Variants in RAP1A observed in about 807,000 individuals in gnomAD.
RAP1A encodes the protein RAP1A, member of RAS oncogene family.
A neutral mutation model predicts 26.4 loss-of-function variants in RAP1A; 6 were observed. The observed-to-expected ratio is 0.23, with a 90% CI of 0.12 to 0.45. RAP1A has a LOEUF of 0.45. RAP1A is among the 20% of genes least tolerant of loss of function. RAP1A has a pLI of 0.99. For missense variants in RAP1A, 121 were observed against 217.2 expected (o/e 0.56, Z 2.78); for synonymous variants, 73 against 79.4 (o/e 0.92, Z 0.43).
rs182581361 is a variant in RAP1A, at chr1:111,652,277, G to A, written c.-28+32343G>A. On this transcript the variant is annotated intron_variant, in intron 1 of 7. Coordinates refer to ENST00000369709, the MANE Select transcript of RAP1A (RefSeq NM_002884.4). ...GCCTGACCCAGTTCAAGTATTTTTA[G>A]AACCTCTGTTCTTGTATTCATAGAC... Among the ~76,000 whole-genome samples, 65 of 152,306 alleles carry A rather than the reference G, an allele frequency of 4.3e-4. 1 individual carries two copies. The highest frequency in any genetic ancestry group is 4.3e-3 in the Admixed American group (65 of 15,284).
intron 1 of RAP1A, among the ~76,000 whole-genome samples, chr1:111,656,050 C>G (rs1012654548): frequency 3.3e-5 from 5 of 151,976 alleles, no homozygotes; most frequent in Non-Finnish European, 5.9e-5. Context: ...AAAATGACAA[C>G]TGGATAAAAG....
At chr1:111,585,507 G>GT (rs1467643481) in intron 1 of RAP1A, among the ~76,000 whole-genome samples, 1 of 151,872 alleles carries the variant, frequency 6.6e-6, no homozygotes, top group African/African-American at 2.4e-5. Context: ...CAGTAATACG[G>GT]TTTTTTTGAT....
rs535248878 is a variant in RAP1A, at chr1:111,640,710, A to G, written c.-28+20776A>G. ...CATGGTGGCTCCCGCCTGTAATCCCAGCACTTTGGAAGGCCAAGGTAGGAG... is the reference window on the plus strand; with the variant it reads ...CATGGTGGCTCCCGCCTGTAATCCCGGCACTTTGGAAGGCCAAGGTAGGAG... On this transcript the variant is annotated intron_variant, in intron 1 of 7. Coordinates refer to ENST00000369709, the MANE Select transcript of RAP1A (RefSeq NM_002884.4). Among the ~76,000 whole-genome samples the G allele has an allele frequency of 3.6e-4, 55 of 152,346 alleles. 1 individual carries two copies. In the South Asian group the frequency reaches 9.1e-3, roughly 25 times the overall value.
At chr1:111,711,271 TTA>T (rs1461838798) in intron 7 of RAP1A, among the ~76,000 whole-genome samples, 15 of 152,252 alleles carry the variant, frequency 9.9e-5, no homozygotes, top group Non-Finnish European at 2.1e-4. Context: ...ACTATATTAT[TTA>T]ACTCTGTTAT....
chr1:111,669,534 A>G (rs945039513), intron 1 of RAP1A, among the ~76,000 whole-genome samples: 4 of 152,268 alleles, frequency 2.6e-5, no homozygotes, highest in Admixed American at 6.5e-5. Context: ...GCAATAAGAC[A>G]TAAGAGCTTG....
rs1419443567 is a variant in RAP1A, at chr1:111,606,386, GA to G, written c.-28+63879del. Among the ~76,000 whole-genome samples, 3 of 152,168 alleles carry G rather than the reference GA, an allele frequency of 2.0e-5. No homozygotes were observed. In the East Asian group the frequency reaches 5.8e-4, roughly 29 times the overall value. ...TCAGAGCACGAAGAACCTTTTATAAGAAGAAGGTAGCTGGAGAATGCTTATT... is the reference window on the plus strand; with the variant it reads ...TCAGAGCACGAAGAACCTTTTATAAGAGAAGGTAGCTGGAGAATGCTTATT... On this transcript the variant is annotated intron_variant, in intron 1 of 7. Transcript: ENST00000356415.
At position 111,607,003 on chromosome 1, in the gene RAP1A, T is replaced by TTTTATTTATTTA. The variant is rs370268151; in HGVS notation, c.-28+64518_-28+64529dup. ...CAAGAGTTCATTTGAATTCATTTTC[T>TTTTATTTATTTA]TTTATTTATTTATTTATTTATTTAT... On this transcript the variant is annotated intron_variant, in intron 1 of 7. Transcript: ENST00000356415. 6.5e-3 allele frequency among the ~76,000 whole-genome samples: 944 copies of TTTTATTTATTTA among 145,772 alleles called. 6 individuals carry two copies. Among genetic ancestry groups the TTTTATTTATTTA allele is most frequent in the African/African-American group, 0.013 (500 of 37,866 alleles).
intron 1 of RAP1A, among the ~76,000 whole-genome samples, chr1:111,553,009 C>G (rs984372633): frequency 6.6e-6 from 1 of 152,248 alleles, no homozygotes; most frequent in Non-Finnish European, 1.5e-5. Context: ...CAGGTAAGAG[C>G]TCCACTTTTG....
At chr1:111,613,078 C>G (rs1016528279) in intron 1 of RAP1A, among the ~76,000 whole-genome samples, 2 of 151,676 alleles carry the variant, frequency 1.3e-5, no homozygotes, top group African/African-American at 4.8e-5. Flanking sequence ...GGATCATATA[C>G]TTAATTACTG....
chr1:111,698,224 C>G (rs552293582), intron 4 of RAP1A, among the ~76,000 whole-genome samples: 1 of 152,192 alleles, frequency 6.6e-6, no homozygotes, highest in East Asian at 1.9e-4. Flanking sequence ...TTTCTCCATG[C>G]ACATAGACTT....
At chr1:111,618,698 C>G (rs1336751666), upstream of RAP1A, among the ~76,000 whole-genome samples, 1 of 152,172 alleles carries the variant, frequency 6.6e-6, no homozygotes, top group East Asian at 1.9e-4. Context: ...TCCTCCATTT[C>G]ATTAAGTGGC....
chr1:111,705,046 T>A (rs970126533), intron 6 of RAP1A, among the ~76,000 whole-genome samples: 1 of 152,134 alleles, frequency 6.6e-6, no homozygotes, highest in African/African-American at 2.4e-5. Context: ...GGTTAAGCAC[T>A]CCACTATCTT....
chr1:111,666,512 A>G (rs1382805407), intron 1 of RAP1A, among the ~76,000 whole-genome samples: 1 of 152,214 alleles, frequency 6.6e-6, no homozygotes, highest in Non-Finnish European at 1.5e-5. Context: ...GTAAGAACTC[A>G]GATCACATTG....
chr1:111,626,989 T>TAACA, intron 1 of RAP1A, among the ~76,000 whole-genome samples: 1 of 152,028 alleles, frequency 6.6e-6, no homozygotes, highest in East Asian at 1.9e-4. Flanking sequence ...TAGAAGCTGG[T>TAACA]AACAAGTCTG....
chr1:111,585,235 A>G (rs1658341251), intron 1 of RAP1A, among the ~76,000 whole-genome samples: 1 of 152,190 alleles, frequency 6.6e-6, no homozygotes, highest in African/African-American at 2.4e-5. Flanking sequence ...TTTTTTAGGT[A>G]TTGAAAGAAA....
chr1:111,624,695 A>G (rs1339554495), intron 1 of RAP1A, among the ~76,000 whole-genome samples: 1 of 152,200 alleles, frequency 6.6e-6, no homozygotes, highest in African/African-American at 2.4e-5. Context: ...TGCACCAATA[A>G]AAAAAGGAAA....
intron 1 of RAP1A, among the ~76,000 whole-genome samples, chr1:111,605,246 G>A (rs539553717): frequency 2.0e-5 from 3 of 152,144 alleles, no homozygotes; most frequent in Non-Finnish European, 4.4e-5. Flanking sequence ...TTACCCGACC[G>A]ATTACCACTT....
intron 1 of RAP1A, among the ~76,000 whole-genome samples, chr1:111,640,496 A>G (rs1659859847): frequency 6.6e-6 from 1 of 152,200 alleles, no homozygotes; most frequent in African/African-American, 2.4e-5. Context: ...TTCACAGTAC[A>G]TAAAAGTTGA....
chr1:111,583,941 C>T (rs533843918), intron 1 of RAP1A, among the ~76,000 whole-genome samples: 5 of 140,456 alleles, frequency 3.6e-5, no homozygotes, highest in African/African-American at 8.2e-5. Context: ...AGTGCAGTGG[C>T]GCGATCTCGG....
Sources: gnomAD v4.1 joint callset for allele counts (sites outside exome capture counted in the v4.1 genomes callset) on GRCh38, gnomAD v4.1.1 for gene constraint, MANE v1.5 for transcripts, NCBI Gene and HGNC (gene_info 2026-07-23, HGNC 2026-07-21) for gene names.